The following BCAS3 variants were observed in gnomAD, a reference collection of about 807,000 sequenced individuals.
BCAS3 encodes the protein BCAS3 microtubule associated cell migration factor, also known as BCAS4/BCAS3 fusion.
In BCAS3, 53 loss-of-function variants were observed where a neutral mutation model predicts 116.1. The observed-to-expected ratio is 0.46, with a 90% CI of 0.37 to 0.57. BCAS3 has a LOEUF of 0.57. Ranked by LOEUF, BCAS3 falls within the 20% of genes least tolerant of loss-of-function variation. The pLI is 0.00. For synonymous variants in BCAS3, 391 were observed against 408.2 expected (o/e 0.96, Z 0.51); for missense variants, 917 against 1,165.4 (o/e 0.79, Z 3.10).
rs1308791705 is a variant in BCAS3 at position 61,186,067 on chromosome 17, A to T, written c.2425+101503A>T. On this transcript the variant is annotated intron_variant, in intron 22 of 23. Coordinates refer to ENST00000407086, the MANE Select transcript of BCAS3 (RefSeq NM_017679.5). The surrounding 1 kb of genome is among the most constrained non-coding windows in gnomAD (Gnocchi z 4.9). ...AACATTAGGATGGAGGGTGAAATAT[A>T]ATTTTTATTTTTTTGCCTAATAGCC... is the stretch of plus-strand genomic sequence containing the variant. 6.6e-6 allele frequency among the ~76,000 whole-genome samples: 1 copy of T among 152,178 alleles called. No homozygotes were observed. The highest frequency in any genetic ancestry group is 1.5e-5 in the Non-Finnish European group (1 of 68,012).
At chr17:60,866,234 C>T (rs2054581682) in intron 7 of BCAS3, among the ~76,000 whole-genome samples, 2 of 151,858 alleles carry the variant, frequency 1.3e-5, no homozygotes, top group Non-Finnish European at 2.9e-5. Context: ...AAGCGATTCT[C>T]CTGTCTCAGC....
At chr17:60,932,903 G>A (rs191406414) in intron 13 of BCAS3, among the ~76,000 whole-genome samples, 54 of 151,970 alleles carry the variant, frequency 3.6e-4, no homozygotes, top group Middle Eastern at 6.9e-3. Context: ...GGCTGGAAGC[G>A]GTGGCTCATC....
At chr17:60,952,113 T>C (rs956952437) in intron 14 of BCAS3, among the ~76,000 whole-genome samples, 1 of 152,168 alleles carries the variant, frequency 6.6e-6, no homozygotes, top group African/African-American at 2.4e-5. Context: ...TTTGAATTAA[T>C]TCATGAGCTT....
chr17:60,714,916 A>G (rs1021919432), intron 5 of BCAS3, among the ~76,000 whole-genome samples: 14 of 152,164 alleles, frequency 9.2e-5, no homozygotes, highest in Non-Finnish European at 1.8e-4. Context: ...GATGTAACAT[A>G]GAATGATTGT....
chr17:61,353,040 G>C (rs145110383), intron 22 of BCAS3, among the ~76,000 whole-genome samples: 1 of 152,170 alleles, frequency 6.6e-6, no homozygotes, highest in African/African-American at 2.4e-5. Flanking sequence ...CTCATGGGGT[G>C]GGGAGAGGGA....
At chr17:60,867,539 T>C (rs911138426) in intron 7 of BCAS3, among the ~76,000 whole-genome samples, 2 of 152,224 alleles carry the variant, frequency 1.3e-5, no homozygotes, top group Admixed American at 6.5e-5. Context: ...AAAATTTTAC[T>C]AATTGTTTCT....
chr17:61,074,121 A>G (rs1013839868), intron 19 of BCAS3, among the ~76,000 whole-genome samples: 24 of 151,868 alleles, frequency 1.6e-4, no homozygotes, highest in African/African-American at 5.3e-4. Context: ...AAGAAAAAAA[A>G]AAAAAAAAAA....
intron 14 of BCAS3, among the ~76,000 whole-genome samples, chr17:60,953,536 T>G (rs2060956017): frequency 6.6e-6 from 1 of 152,144 alleles, no homozygotes; most frequent in Admixed American, 6.6e-5. Flanking sequence ...CTATGTTGAT[T>G]GTTTCTTTTG....
At chr17:60,970,209 A>G (rs2061881457) in intron 14 of BCAS3, among the ~76,000 whole-genome samples, 1 of 152,182 alleles carries the variant, frequency 6.6e-6, no homozygotes, top group African/African-American at 2.4e-5. Flanking sequence ...GGGTGGAGGC[A>G]GGTATATGGA....
Position 60,927,166 on chromosome 17 carries a change from G to A in BCAS3, c.1087+2666G>A, listed in dbSNP as rs578193680. Reference sequence around the variant, plus strand: ...GTATGGCACTGTATTAGGCATGGTAGTCTCTATTTTGACAATGAAAGTGAT... The same window carrying A: ...GTATGGCACTGTATTAGGCATGGTAATCTCTATTTTGACAATGAAAGTGAT... On this transcript the variant is annotated intron_variant, in intron 13 of 23. Coordinates refer to ENST00000407086, the MANE Select transcript of BCAS3 (RefSeq NM_017679.5). Among the ~76,000 whole-genome samples the A allele has an allele frequency of 1.2e-4, 19 of 152,068 alleles. No individual in the cohort carries two copies. In the South Asian group the frequency reaches 3.9e-3, roughly 32 times the overall value.
At chr17:60,918,116 A>G (rs940731453) in intron 12 of BCAS3, among the ~76,000 whole-genome samples, 2 of 152,144 alleles carry the variant, frequency 1.3e-5, no homozygotes, top group Non-Finnish European at 1.5e-5. Flanking sequence ...AAGGGTCTCA[A>G]TTTCTCGTAT....
chr17:61,230,629 A>G (rs765445462), intron 22 of BCAS3, among the ~76,000 whole-genome samples: 3 of 152,232 alleles, frequency 2.0e-5, no homozygotes, highest in Non-Finnish European at 4.4e-5. Context: ...TACAAAGGAC[A>G]TGACTTCATT....
intron 22 of BCAS3, among the ~76,000 whole-genome samples, chr17:61,271,634 T>TGTGTGTGTG (rs71148401): frequency 1.4e-5 from 2 of 140,500 alleles, no homozygotes; most frequent in East Asian, 2.0e-4. Flanking sequence ...TGTGTGTGTG[T>TGTGTGTGTG]TTAGTAGAGA....
intron 22 of BCAS3, among the ~76,000 whole-genome samples, chr17:61,267,308 C>T (rs772351915): frequency 1.8e-4 from 27 of 152,150 alleles, no homozygotes; most frequent in Admixed American, 9.2e-4. Flanking sequence ...CCGCTCCCCT[C>T]GGCCTTCCAA....
intron 6 of BCAS3, among the ~76,000 whole-genome samples, chr17:60,803,782 A>G (rs73316799): frequency 0.045 from 6,701 of 149,594 alleles, 463 homozygotes; most frequent in African/African-American, 0.15. Context: ...TCCCTCTCAT[A>G]AGTAACTATT....
rs1025636573 is a variant in BCAS3 at position 61,122,839 on chromosome 17, C to A, written c.2425+38275C>A. 1.3e-5 allele frequency among the ~76,000 whole-genome samples: 2 copies of A among 152,038 alleles called. No homozygotes were observed. The highest frequency in any genetic ancestry group is 1.3e-4 in the Admixed American group (2 of 15,262). ...ATGTAAGCTGATGGCTATTGGAATT[C>A]ACATACAGTTTGCATTTACTTTGAT... On this transcript the variant is annotated intron_variant, in intron 22 of 23. Coordinates refer to ENST00000407086, the MANE Select transcript of BCAS3 (RefSeq NM_017679.5). The surrounding 1 kb of genome is among the most constrained non-coding windows in gnomAD (Gnocchi z 4.6).
intron 14 of BCAS3, among the ~76,000 whole-genome samples, chr17:60,975,578 A>G (rs2062288338): frequency 6.6e-6 from 1 of 152,226 alleles, no homozygotes. Context: ...TCACCATTTT[A>G]TAATGTACAA....
In BCAS3 at chr17:61,392,521, T is replaced by A. The variant is rs1015863234; in HGVS notation, c.*396T>A. ...AGAGTTGATCGTCCACCTGGCCATT[T>A]TGACCCTGAGTGGACAGTCACAGCC... is the stretch of plus-strand genomic sequence containing the variant. On this transcript the variant is annotated 3_prime_UTR_variant, in exon 24 of 24. Transcript: ENST00000407086. The surrounding 1 kb of genome is among the most constrained non-coding windows in gnomAD (Gnocchi z 6.4). 5.8e-6 allele frequency: 1 copy of A among 171,550 alleles called. No individual in the cohort carries two copies. The highest frequency in any genetic ancestry group is 2.4e-5 in the African/African-American group (1 of 42,026). The allele number at this position is 171,550 out of a possible 1,614,324, so 10.6% of individuals were successfully genotyped here.
intron 13 of BCAS3, among the ~76,000 whole-genome samples, chr17:60,933,431 A>G (rs1225903668): frequency 6.6e-6 from 1 of 152,204 alleles, no homozygotes; most frequent in South Asian, 2.1e-4. Context: ...TACATTTTAA[A>G]TAATTACCCC....
Sources: allele counts gnomAD v4.1 joint callset (sites outside exome capture counted in the v4.1 genomes callset), GRCh38; gene constraint gnomAD v4.1.1; non-coding constraint Gnocchi (gnomAD v3.1); transcripts MANE v1.5; gene names NCBI Gene and HGNC (gene_info 2026-07-23, HGNC 2026-07-21).